The following SPATA6 variants were observed in gnomAD, a reference collection of about 807,000 sequenced individuals.
The protein encoded by SPATA6 is spermatogenesis associated 6, also known as spermatogenesis-associated protein 6.
A neutral mutation model predicts 65.3 loss-of-function variants in SPATA6; 56 were observed. The observed-to-expected ratio is 0.86, with a 90% CI of 0.69 to 1.07. The LOEUF (loss-of-function observed/expected upper bound fraction) is 1.07, where lower values mean the gene tolerates loss of function less well. Among genes scored for constraint, SPATA6 ranks in the 50% least tolerant of loss-of-function variants. The probability of loss-of-function intolerance (pLI) is 0.00; values close to 1 mark genes in which losing one functional copy is unlikely to be tolerated. For missense variants in SPATA6, 590 were observed against 594.8 expected (o/e 0.99, Z 0.08); for synonymous variants, 199 against 213.2 (o/e 0.93, Z 0.58).
chr1:48,436,050 T>C, intron 3 of SPATA6: 1 of 1,609,412 alleles, frequency 6.2e-7, no homozygotes, highest in Non-Finnish European at 8.5e-7. Flanking sequence ...CCAGTATCCA[T>C]CAATACTTGG....
the SPATA6 span, among the ~76,000 whole-genome samples, chr1:48,288,273 T>G: frequency 9.2e-5 from 14 of 152,186 alleles, no homozygotes; most frequent in African/African-American, 3.4e-4. Context: ...TGAAGTGTCT[T>G]TGGAACTGGA....
chr1:48,299,788 C>T (rs1029801018), intron 12 of SPATA6, among the ~76,000 whole-genome samples: 7 of 152,084 alleles, frequency 4.6e-5, no homozygotes, highest in African/African-American at 1.4e-4. Flanking sequence ...AATGAAGACT[C>T]AGTGAAGTTA....
intron 3 of SPATA6, among the ~76,000 whole-genome samples, chr1:48,428,775 A>ATATGTGTGTGTGTGTGTGTG (rs374475889): frequency 3.0e-5 from 4 of 133,494 alleles, no homozygotes; most frequent in Admixed American, 7.8e-5. Context: ...AGGTGTATAT[A>ATATGTGTGTGTGTGTGTGTG]TGTGTGTGTG....
At chr1:48,447,930 G>A (rs1656210304) in intron 3 of SPATA6, 1 of 152,104 alleles carries the variant, frequency 6.6e-6, no homozygotes, top group African/African-American at 2.4e-5. Context: ...TTAAAAGCTT[G>A]TATTAAGCTT....
At chr1:48,435,747 G>T (rs1024255012) in intron 3 of SPATA6, among the ~76,000 whole-genome samples, 14 of 151,774 alleles carry the variant, frequency 9.2e-5, no homozygotes, top group African/African-American at 3.1e-4. Flanking sequence ...CCGCCCTCCC[G>T]CGCCCCGCAC....
chr1:48,367,582 G>A (rs1162493271), intron 9 of SPATA6, among the ~76,000 whole-genome samples: 11 of 152,044 alleles, frequency 7.2e-5, no homozygotes, highest in Admixed American at 6.5e-4. Flanking sequence ...ATCTTTGTTG[G>A]TTTAAAGTCT....
intron 11 of SPATA6, among the ~76,000 whole-genome samples, chr1:48,315,276 G>T (rs1194974618): frequency 6.6e-6 from 1 of 152,102 alleles, no homozygotes; most frequent in African/African-American, 2.4e-5. Context: ...GATGAACATA[G>T]ATGCAAAAAT....
Position 48,316,133 on chromosome 1 carries a change from A to G in SPATA6, c.1195-10255T>C, listed in dbSNP as rs570724747. Reference sequence around the variant, plus strand: ...CAAGGTAATTTACAGATTCAATGCCAACCCCATCAAGCTACCAGTGACTTT... The same window carrying G: ...CAAGGTAATTTACAGATTCAATGCCGACCCCATCAAGCTACCAGTGACTTT... On this transcript the variant is annotated intron_variant, in intron 11 of 12. Coordinates refer to ENST00000371847, the MANE Select transcript of SPATA6 (RefSeq NM_019073.4). Among the ~76,000 whole-genome samples the G allele has an allele frequency of 5.3e-5, 8 of 152,336 alleles. No homozygotes were observed. In the South Asian group the frequency reaches 1.7e-3, roughly 32 times the overall value.
At chr1:48,446,045 T>G (rs1290438377) in intron 3 of SPATA6, among the ~76,000 whole-genome samples, 1 of 152,098 alleles carries the variant, frequency 6.6e-6, no homozygotes, top group East Asian at 1.9e-4. Flanking sequence ...AACAGTTAAC[T>G]AAAACAGGGT....
In SPATA6 at chr1:48,381,647, TC is replaced by T. The variant is rs377520739; in HGVS notation, c.909+3661del. Among the ~76,000 whole-genome samples the T allele has an allele frequency of 9.3e-3, 1,011 of 109,006 alleles. 15 individuals are homozygous for T. The highest frequency in any genetic ancestry group is 0.04 in the African/African-American group (936 of 23,184). The allele number at this position is 109,006 out of a possible 152,430, so 71.5% of individuals were successfully genotyped here. On this transcript the variant is annotated intron_variant, in intron 9 of 12. Transcript: ENST00000371847. ...ATATTTTAAGAAAAGCTATGGTTTT[TC>T]TTTTTTTTTTTTTTTATATGAATAG...
chr1:48,364,826 GC>G, intron 9 of SPATA6, among the ~76,000 whole-genome samples: 1 of 152,250 alleles, frequency 6.6e-6, no homozygotes, highest in Non-Finnish European at 1.5e-5. Flanking sequence ...GTCAATTGTG[GC>G]TTTTGTTGCC....
intron 3 of SPATA6, chr1:48,436,788 T>A: frequency 1.2e-6 from 2 of 1,614,176 alleles, no homozygotes; most frequent in Non-Finnish European, 1.7e-6. Context: ...TGCATAGAAC[T>A]CAGATGCTGT....
intron 3 of SPATA6, among the ~76,000 whole-genome samples, chr1:48,431,666 C>T (rs186673146): frequency 6.6e-6 from 1 of 152,142 alleles, no homozygotes; most frequent in African/African-American, 2.4e-5. Flanking sequence ...ACAACACACT[C>T]TTAAATAATC....
chr1:48,450,767 C>T (rs2148149387), intron 3 of SPATA6, among the ~76,000 whole-genome samples: 1 of 152,292 alleles, frequency 6.6e-6, no homozygotes, highest in Middle Eastern at 3.4e-3. Flanking sequence ...CAGATTCTTG[C>T]ATGTTCCAGG....
chr1:48,328,116 G>A (rs1333047161), intron 11 of SPATA6, among the ~76,000 whole-genome samples: 2 of 151,988 alleles, frequency 1.3e-5, no homozygotes, highest in African/African-American at 2.4e-5. Flanking sequence ...TTAGTCAGAA[G>A]GGAAATGTAC....
intron 3 of SPATA6, among the ~76,000 whole-genome samples, chr1:48,441,635 C>T (rs951744211): frequency 1.2e-4 from 18 of 152,176 alleles, no homozygotes; most frequent in African/African-American, 4.3e-4. Flanking sequence ...GACAAAACTT[C>T]TCTTTACACG....
intron 11 of SPATA6, among the ~76,000 whole-genome samples, chr1:48,347,281 G>T (rs12135744): frequency 0.32 from 48,014 of 151,356 alleles, 9,064 homozygotes; most frequent in Middle Eastern, 0.44. Flanking sequence ...GGCTGAAAGT[G>T]GGGGAAAACA....
At chr1:48,439,791 A>C (rs924518732) in intron 3 of SPATA6, among the ~76,000 whole-genome samples, 1 of 152,166 alleles carries the variant, frequency 6.6e-6, no homozygotes, top group Non-Finnish European at 1.5e-5. Flanking sequence ...ACTGGGACCA[A>C]TTTGACCCGC....
the SPATA6 span, among the ~76,000 whole-genome samples, chr1:48,266,011 A>G: frequency 2.0e-5 from 3 of 152,280 alleles, no homozygotes; most frequent in East Asian, 5.8e-4. Flanking sequence ...AATCCCATGC[A>G]CTCTTCATTA....
Sources: gnomAD v4.1 joint callset for allele counts (sites outside exome capture counted in the v4.1 genomes callset) on GRCh38, gnomAD v4.1.1 for gene constraint, MANE v1.5 for transcripts, NCBI Gene and HGNC (gene_info 2026-07-23, HGNC 2026-07-21) for gene names.